GALNTL6: variants seen among roughly 807,000 people sequenced by gnomAD.
GALNTL6 encodes polypeptide N-acetylgalactosaminyltransferase like 6, also known as polypeptide N-acetylgalactosaminyltransferase-like 6.
GALNTL6 carries 46 observed loss-of-function variants against 73.7 expected under a neutral mutation model. That is an observed-to-expected ratio of 0.62 (90% confidence interval 0.49 to 0.80). The LOEUF (loss-of-function observed/expected upper bound fraction) is 0.80. GALNTL6 is among the 30% of genes least tolerant of loss of function. The pLI, the probability that GALNTL6 is intolerant of heterozygous loss-of-function variation, is 0.00. For synonymous variants in GALNTL6, 259 were observed against 263.7 expected (o/e 0.98, Z 0.17); for missense variants, 604 against 755.0 (o/e 0.80, Z 2.34).
intron 7 of GALNTL6, among the ~76,000 whole-genome samples, chr4:172,882,104 T>C (rs1489521488): frequency 1.3e-5 from 2 of 152,152 alleles, no homozygotes; most frequent in Non-Finnish European, 2.9e-5. Flanking sequence ...ATAATTATCT[T>C]ATTACATGAC....
intron 5 of GALNTL6, among the ~76,000 whole-genome samples, chr4:172,354,894 A>G (rs1401521273): frequency 6.6e-6 from 1 of 152,076 alleles, no homozygotes. Context: ...TGTTTATGGT[A>G]GCTTTGTATT....
At chr4:172,313,510 A>T (rs1011175489) in intron 4 of GALNTL6, among the ~76,000 whole-genome samples, 6 of 152,222 alleles carry the variant, frequency 3.9e-5, no homozygotes, top group African/African-American at 1.4e-4. Flanking sequence ...AAATCACTGA[A>T]GTCAAAAGAA....
rs337048 is a variant in GALNTL6 at position 172,459,491 on chromosome 4, A to G, written c.553+110802A>G. Among the ~76,000 whole-genome samples the G allele has an allele frequency of 9.2e-3, 1,396 of 152,334 alleles. 28 individuals carry two copies. Among genetic ancestry groups the G allele is most frequent in the African/African-American group, 0.032 (1,318 of 41,564 alleles). On this transcript the variant is annotated intron_variant, in intron 5 of 12. Coordinates refer to ENST00000506823, the MANE Select transcript of GALNTL6 (RefSeq NM_001034845.3). ...CATTGTCTCAGCCCAAAATCTTCTT[A>G]AGCTGATAAGCAACTTCAGCAAAGT...
chr4:172,493,103 C>T lies in GALNTL6; in HGVS notation c.553+144414C>T, dbSNP rs184051539. Among the ~76,000 whole-genome samples, 510 of 152,242 alleles carry T rather than the reference C, an allele frequency of 3.3e-3. 2 individuals are homozygous for T. Among genetic ancestry groups the T allele is most frequent in the Non-Finnish European group, 6.3e-3 (428 of 68,002 alleles). ...AACATTTAAGAGAACATCAAATACA[C>T]TATTTTTTAAATATCAAATATACCC... is the stretch of plus-strand genomic sequence containing the variant. On this transcript the variant is annotated intron_variant, in intron 5 of 12. Coordinates refer to ENST00000506823, the MANE Select transcript of GALNTL6 (RefSeq NM_001034845.3).
At chr4:172,365,325 G>A (rs934873130) in intron 5 of GALNTL6, among the ~76,000 whole-genome samples, 2 of 151,958 alleles carry the variant, frequency 1.3e-5, no homozygotes, top group African/African-American at 4.8e-5. Flanking sequence ...GGTTGGGGAA[G>A]GGTTTATCTT....
chr4:172,366,599 T>C (rs1364143294), intron 5 of GALNTL6, among the ~76,000 whole-genome samples: 3 of 152,032 alleles, frequency 2.0e-5, no homozygotes, highest in Non-Finnish European at 4.4e-5. Context: ...AAGATCAACG[T>C]GGGAAAAAAT....
chr4:171,907,319 C>G (rs140657363), intron 2 of GALNTL6, among the ~76,000 whole-genome samples: 6 of 152,066 alleles, frequency 3.9e-5, no homozygotes, highest in African/African-American at 2.4e-5. Context: ...AATCAACGTA[C>G]GAAAATCACA....
At chr4:172,586,753 T>C (rs1031680189) in intron 5 of GALNTL6, among the ~76,000 whole-genome samples, 1 of 152,250 alleles carries the variant, frequency 6.6e-6, no homozygotes, top group Admixed American at 6.5e-5. Context: ...TTTGCTGTTC[T>C]GCAGAATGTT....
At chr4:173,001,338 G>C (rs1752037040) in intron 10 of GALNTL6, among the ~76,000 whole-genome samples, 1 of 152,088 alleles carries the variant, frequency 6.6e-6, no homozygotes, top group Non-Finnish European at 1.5e-5. Flanking sequence ...AAAAAATGAG[G>C]TTGTAAAATT....
intron 2 of GALNTL6, among the ~76,000 whole-genome samples, chr4:171,920,913 A>G (rs542131567): frequency 1.6e-4 from 25 of 152,270 alleles, no homozygotes; most frequent in African/African-American, 5.1e-4. Context: ...AATCACATGT[A>G]CCAATATTTA....
At chr4:172,259,695 A>G (rs1375617308) in intron 3 of GALNTL6, among the ~76,000 whole-genome samples, 2 of 151,462 alleles carry the variant, frequency 1.3e-5, no homozygotes, top group Non-Finnish European at 3.0e-5. Context: ...CCCAATGTCT[A>G]GAAGAGTTTT....
chr4:172,387,112 A>G (rs1561059639), intron 5 of GALNTL6, among the ~76,000 whole-genome samples: 1 of 152,124 alleles, frequency 6.6e-6, no homozygotes, highest in Non-Finnish European at 1.5e-5. Context: ...CACCCTCATA[A>G]TTTTATTACC....
intron 10 of GALNTL6, among the ~76,000 whole-genome samples, chr4:173,001,480 C>T (rs1337349477): frequency 1.3e-5 from 2 of 152,088 alleles, no homozygotes; most frequent in African/African-American, 4.8e-5. Flanking sequence ...AAATATGACA[C>T]TAAAGCACAG....
At chr4:172,220,050 T>G (rs1736621523) in intron 2 of GALNTL6, among the ~76,000 whole-genome samples, 1 of 151,888 alleles carries the variant, frequency 6.6e-6, no homozygotes, top group South Asian at 2.1e-4. Flanking sequence ...TTAGAAATCT[T>G]AAATTTATTG....
chr4:172,259,298 TC>T (rs1458682320), intron 3 of GALNTL6, among the ~76,000 whole-genome samples: 1 of 151,520 alleles, frequency 6.6e-6, no homozygotes, highest in Non-Finnish European at 1.5e-5. Context: ...TTATGGCCAT[TC>T]TTGCAGGAGT....
intron 2 of GALNTL6, among the ~76,000 whole-genome samples, chr4:172,065,298 C>G (rs1731326118): frequency 2.6e-5 from 4 of 152,198 alleles, no homozygotes; most frequent in Admixed American, 2.0e-4. Context: ...CTATGAGACT[C>G]TAATGCCACC....
At chr4:172,019,292 T>A (rs1033122400) in intron 2 of GALNTL6, among the ~76,000 whole-genome samples, 3 of 152,098 alleles carry the variant, frequency 2.0e-5, no homozygotes, top group African/African-American at 4.8e-5. Flanking sequence ...TGTCCTCTTT[T>A]GAAAAATGTC....
intron 9 of GALNTL6, among the ~76,000 whole-genome samples, chr4:172,950,744 C>T (rs1749401684): frequency 6.6e-6 from 1 of 152,208 alleles, no homozygotes; most frequent in Non-Finnish European, 1.5e-5. Context: ...CTAGCTTTTA[C>T]TTTAGTCACC....
chr4:172,102,936 T>C (rs1732560336), intron 2 of GALNTL6, among the ~76,000 whole-genome samples: 1 of 151,892 alleles, frequency 6.6e-6, no homozygotes, highest in African/African-American at 2.4e-5. Context: ...GATTATTGAG[T>C]TGGAGTGATG....
Sources: allele counts gnomAD v4.1 joint callset (sites outside exome capture counted in the v4.1 genomes callset), GRCh38; gene constraint gnomAD v4.1.1; transcripts MANE v1.5; gene names NCBI Gene and HGNC (gene_info 2026-07-23, HGNC 2026-07-21).